INPP4A: variants seen among roughly 807,000 people sequenced by gnomAD.
INPP4A encodes the protein inositol polyphosphate-4-phosphatase type I A.
A neutral mutation model predicts 119.8 loss-of-function variants in INPP4A; 33 were observed. That is an observed-to-expected ratio of 0.28 (90% CI 0.21 to 0.37). INPP4A has a LOEUF of 0.37. Ranked by LOEUF, INPP4A falls within the 10% of genes least tolerant of loss-of-function variation. The pLI, the probability that INPP4A is intolerant of heterozygous loss-of-function variation, is 1.00. For synonymous variants in INPP4A, 496 were observed against 500.7 expected (o/e 0.99, Z 0.12); for missense variants, 956 against 1,289.9 (o/e 0.74, Z 3.97).
chr2:98,553,041 G>C (rs1693813033), intron 14 of INPP4A, 72 bp downstream of exon 14: 6 of 1,260,362 alleles, frequency 4.8e-6, no homozygotes, highest in African/African-American at 1.5e-5. Flanking sequence ...AGGCAGCCCA[G>C]GTGTACCTAA....
rs1251261219 is a variant in INPP4A at position 98,536,515 on chromosome 2, TC to T, written c.467+310del. ...AGCCCCTCCCCAGTGGAATATAATC[TC>T]CCATAGAGCAGGGAGTTTTGTCTGC... On this transcript the variant is annotated intron_variant, in intron 7 of 24. Transcript: ENST00000409851. Among the ~76,000 whole-genome samples the T allele has an allele frequency of 3.3e-5, 5 of 152,294 alleles. No individual in the cohort carries two copies. The East Asian group carries it at 9.6e-4, about 29-fold the overall frequency.
chr2:98,489,616 C>T (rs1427450838), intron 1 of INPP4A, among the ~76,000 whole-genome samples: 5 of 152,106 alleles, frequency 3.3e-5, no homozygotes, highest in African/African-American at 1.2e-4. Context: ...CTGTGATGGA[C>T]CCCTGAGGTC....
chr2:98,520,287 A>G (rs1686935695), intron 3 of INPP4A, 133 bp downstream of exon 3: 4 of 709,946 alleles, frequency 5.6e-6, no homozygotes, highest in African/African-American at 1.8e-5. Flanking sequence ...CTGGTTTGGC[A>G]TCCTTCTGGT....
intron 11 of INPP4A, 144 bp downstream of exon 11, chr2:98,544,151 T>G (rs1489784658): frequency 1.5e-6 from 1 of 665,752 alleles, no homozygotes; most frequent in African/African-American, 1.8e-5. Context: ...TGACAGACAC[T>G]TTAATGGATT....
intron 1 of INPP4A, among the ~76,000 whole-genome samples, chr2:98,517,251 T>G (rs563612122): frequency 2.0e-5 from 3 of 152,244 alleles, no homozygotes; most frequent in Non-Finnish European, 4.4e-5. Context: ...TTGTTTCATC[T>G]GTTCTACTGT....
chr2:98,572,962 G>A (rs765502031), intron 23 of INPP4A, 35 bp downstream of exon 23: 14 of 1,427,828 alleles, frequency 9.8e-6, no homozygotes, highest in Admixed American at 3.9e-5. Context: ...AGGCTATTGC[G>A]GTGCCCACAG....
At chr2:98,504,793 A>G (rs1021392241) in intron 1 of INPP4A, among the ~76,000 whole-genome samples, 2 of 152,258 alleles carry the variant, frequency 1.3e-5, no homozygotes, top group Non-Finnish European at 2.9e-5. Context: ...TGTCTGAAGC[A>G]CGTTATTATT....
At chr2:98,479,285 G>A (rs1677916773) in intron 1 of INPP4A, among the ~76,000 whole-genome samples, 1 of 152,194 alleles carries the variant, frequency 6.6e-6, no homozygotes, top group Admixed American at 6.5e-5. Context: ...CTGATGGGGG[G>A]TATCTGCTGT....
At chr2:98,503,458 C>T (rs1683501787) in intron 1 of INPP4A, among the ~76,000 whole-genome samples, 3 of 152,158 alleles carry the variant, frequency 2.0e-5, no homozygotes, top group Admixed American at 6.5e-5. Flanking sequence ...GTGCCTGTTC[C>T]TTTTGAAGTC....
At chr2:98,577,220 TGCCTGCAG>T in intron 24 of INPP4A, 77 bp downstream of exon 24, 2 of 1,435,908 alleles carry the variant, frequency 1.4e-6, no homozygotes, top group Middle Eastern at 2.4e-4. Context: ...ACCCTGCTCC[TGCCTGCAG>T]GGCCTACCCT....
intron 1 of INPP4A, among the ~76,000 whole-genome samples, chr2:98,516,154 G>A (rs1223105924): frequency 1.3e-5 from 2 of 152,148 alleles, no homozygotes; most frequent in South Asian, 2.1e-4. Flanking sequence ...GGGAATATAC[G>A]AATCCTTGGT....
rs1055662087 is a variant in INPP4A, at chr2:98,531,658, T to G, written c.152-1719T>G. On this transcript the variant is annotated intron_variant, in intron 4 of 24. Transcript: ENST00000409851. ...ACAACTAGACCGACCGCTGACTTCATAACAGAAAAAACAGAGGCCTAGGCA... is the reference window on the plus strand; with the variant it reads ...ACAACTAGACCGACCGCTGACTTCAGAACAGAAAAAACAGAGGCCTAGGCA... 2.0e-5 allele frequency among the ~76,000 whole-genome samples: 3 copies of G among 152,074 alleles called. 1 individual carries two copies. The South Asian group carries it at 6.2e-4, about 32-fold the overall frequency.
At chr2:98,465,140 G>A (rs890379861) in intron 1 of INPP4A, among the ~76,000 whole-genome samples, 2 of 152,140 alleles carry the variant, frequency 1.3e-5, no homozygotes, top group Non-Finnish European at 2.9e-5. Context: ...GGCTTAAAGC[G>A]AAAGGAACTT....
At chr2:98,477,442 T>G (rs943346591) in intron 1 of INPP4A, among the ~76,000 whole-genome samples, 2 of 152,196 alleles carry the variant, frequency 1.3e-5, no homozygotes, top group African/African-American at 4.8e-5. Context: ...GTTTCCAGAT[T>G]CTAGGGGCAG....
At chr2:98,457,694 G>A (rs1032733638) in intron 1 of INPP4A, among the ~76,000 whole-genome samples, 3 of 152,206 alleles carry the variant, frequency 2.0e-5, no homozygotes, top group African/African-American at 7.2e-5. Flanking sequence ...CAGGAGTTTG[G>A]TTTATTAAAG....
intron 23 of INPP4A, 51 bp downstream of exon 23, chr2:98,572,978 C>T (rs770252727): frequency 1.9e-4 from 242 of 1,291,868 alleles, no homozygotes; most frequent in Non-Finnish European, 2.4e-4. Context: ...CACAGCTGAA[C>T]GTCATGACAG....
Position 98,545,975 on chromosome 2 carries a change from C to G in INPP4A, c.956C>G (p.Ser319Trp). 6.3e-7 allele frequency: 1 copy of G among 1,586,864 alleles called. No homozygotes were observed. Among genetic ancestry groups the G allele is most frequent in the Non-Finnish European group, 8.6e-7 (1 of 1,165,608 alleles). The change falls in exon 12 of 25, where the codon TCG (serine) becomes TGG (tryptophan). Residue 319 changes from serine (S) to tryptophan (W), a missense_variant. Physicochemically the swap from Ser to Trp is radical, Grantham distance 177. Around this residue, in one of 2 missense-constraint regions of INPP4A, gnomAD observed 652 missense variants for 797.9 expected, o/e 0.82. Coordinates refer to ENST00000409851, the MANE Select transcript of INPP4A (RefSeq NM_001134225.2). ...CTCCTATTCCATTTCTTAGGGCCCT[C>G]GTTTAAAGCAAGCAGTTTGAAAGCA... ...LTDLHQYRGPSFKASSLKADK... is the reference protein window; with the variant it reads ...LTDLHQYRGPWFKASSLKADK...
At position 98,590,028 on chromosome 2, in the gene INPP4A, C is replaced by G. The variant is rs1174686897; in HGVS notation, c.*2420C>G. The G allele has an allele frequency of 5.3e-6, 1 of 189,584 alleles. No homozygotes were observed. The highest frequency in any genetic ancestry group is 6.2e-5 in the Admixed American group (1 of 16,182). 11.7% of individuals were successfully genotyped at this position (189,584 alleles called of 1,614,324 possible). A position where few individuals can be genotyped will look rare whatever the true frequency, so the allele number is the denominator to read the frequency against. On this transcript the variant is annotated 3_prime_UTR_variant, in exon 25 of 25. Transcript: ENST00000409851. ...GATACCTTTATTTATTTGTTTTGGG[C>G]AGTATTACTATATATATATAAACAT...
chr2:98,566,308 GCC>G lies in INPP4A; in HGVS notation c.2420+140_2420+141del. The G allele has an allele frequency of 1.1e-6, 1 of 950,354 alleles. No individual in the cohort carries two copies. The highest frequency in any genetic ancestry group is 2.9e-5 in the East Asian group (1 of 34,904). 58.9% of individuals were successfully genotyped at this position (950,354 alleles called of 1,614,324 possible). ...TCCTTTGGCCAACATTTTCATCATG[GCC>G]GTGCACCTCACTGTCTTTGGTGCTA... On this transcript the variant is annotated intron_variant, in intron 21 of 24. Transcript: ENST00000409851. The surrounding 1 kb of genome is among the most constrained non-coding windows in gnomAD (Gnocchi z 4.2).
Sources: allele counts gnomAD v4.1 joint callset (sites outside exome capture counted in the v4.1 genomes callset), GRCh38; gene constraint gnomAD v4.1.1; regional missense constraint gnomAD v4.1.1; non-coding constraint Gnocchi (gnomAD v3.1); transcripts MANE v1.5; gene names NCBI Gene and HGNC (gene_info 2026-07-23, HGNC 2026-07-21).